PVALEF: variants seen among roughly 807,000 people sequenced by gnomAD.
PVALEF encodes parvalbumin-like EF-hand-containing protein.
PVALEF carries 2 observed loss-of-function variants against 1.2 expected under a neutral mutation model. The ratio of observed to expected loss-of-function variants is 1.68; its 90% CI spans 0.69 to 5.28. PVALEF has a LOEUF of 5.28. Ranked by LOEUF, PVALEF falls within the 30% of genes most tolerant of loss-of-function variation. The pLI is 0.06. For missense variants in PVALEF, 35 were observed against 17.7 expected (o/e 1.97, Z -1.75); for synonymous variants, 16 against 6.5 (o/e 2.47, Z -2.24).
intron 3 of PVALEF, 37 bp from the exon 4 acceptor site, chr17:81,181,086 C>T (rs1445563806): frequency 9.7e-6 from 6 of 615,686 alleles, no homozygotes; most frequent in Non-Finnish European, 1.8e-5. Flanking sequence ...GGCATGACCC[C>T]AACACTGTGA....
At chr17:81,169,899 G>A (rs1225521612) in intron 2 of PVALEF, among the ~76,000 whole-genome samples, 4 of 151,514 alleles carry the variant, frequency 2.6e-5, no homozygotes, top group Non-Finnish European at 5.9e-5. Flanking sequence ...TGTGCATAGA[G>A]GTAGGTGTGT....
rs573593580 is a variant in PVALEF at position 81,172,595 on chromosome 17, T to C, written c.-340+5751T>C. Among the ~76,000 whole-genome samples the C allele has an allele frequency of 9.2e-5, 14 of 151,910 alleles. 1 individual carries two copies. The highest frequency in any genetic ancestry group is 9.2e-4 in the Admixed American group (14 of 15,264). ...GAGTTCAAGACCAGCCTGGCCTATA[T>C]GGTGAAAATACAAAAATTAGCCGGC... is the stretch of plus-strand genomic sequence containing the variant. On this transcript the variant is annotated intron_variant, in intron 2 of 6. Transcript: ENST00000637878.
At chr17:81,169,375 G>A (rs963342611) in intron 2 of PVALEF, among the ~76,000 whole-genome samples, 111 of 147,098 alleles carry the variant, frequency 7.5e-4, no homozygotes, top group African/African-American at 2.6e-3. Flanking sequence ...CAAGGGGGGC[G>A]GACCGCGAGG....
intron 2 of PVALEF, among the ~76,000 whole-genome samples, chr17:81,168,830 G>A (rs985656340): frequency 6.6e-6 from 1 of 152,194 alleles, no homozygotes; most frequent in South Asian, 2.1e-4. Flanking sequence ...AGTGAGGAAC[G>A]CACCTCAGGA....
At chr17:81,176,581 A>AT (rs573263641) in intron 2 of PVALEF, among the ~76,000 whole-genome samples, 146 of 151,518 alleles carry the variant, frequency 9.6e-4, no homozygotes, top group African/African-American at 3.4e-3. Flanking sequence ...GATGGCTGCT[A>AT]TTAAAAAAAA....
chr17:81,175,350 G>T (rs1191437707), intron 2 of PVALEF, among the ~76,000 whole-genome samples: 2 of 152,186 alleles, frequency 1.3e-5, no homozygotes, highest in Non-Finnish European at 1.5e-5. Context: ...ATAGTGTTAA[G>T]ATGTCAGTAT....
intron 2 of PVALEF, among the ~76,000 whole-genome samples, chr17:81,172,116 T>C (rs115192712): frequency 0.029 from 4,365 of 152,340 alleles, 90 homozygotes; most frequent in African/African-American, 0.062. Context: ...TCTGGCCTGC[T>C]GGTGCCACAT....
chr17:81,180,789 C>G (rs1337091341), intron 3 of PVALEF, among the ~76,000 whole-genome samples: 1 of 152,156 alleles, frequency 6.6e-6, no homozygotes, highest in East Asian at 1.9e-4. Context: ...CTCGAGAACA[C>G]AGGCCGCCCC....
At chr17:81,170,738 A>G (rs1206134401) in intron 2 of PVALEF, among the ~76,000 whole-genome samples, 1 of 152,188 alleles carries the variant, frequency 6.6e-6, no homozygotes, top group Non-Finnish European at 1.5e-5. Context: ...GCACCACAGT[A>G]GGCACTGCAG....
intron 2 of PVALEF, among the ~76,000 whole-genome samples, chr17:81,169,853 TGTGC>T (rs1361895937): frequency 6.6e-6 from 1 of 152,148 alleles, no homozygotes; most frequent in East Asian, 1.9e-4. Flanking sequence ...TATATGTGTG[TGTGC>T]ATGTTCAGTT....
intron 2 of PVALEF, among the ~76,000 whole-genome samples, chr17:81,168,424 G>A (rs1008867130): frequency 6.6e-6 from 1 of 152,132 alleles, no homozygotes; most frequent in African/African-American, 2.4e-5. Flanking sequence ...TAACCAGAGC[G>A]ACACCCCTTC....
intron 1 of PVALEF, chr17:81,165,952 G>A (rs2061485809): frequency 6.3e-7 from 1 of 1,584,470 alleles, no homozygotes; most frequent in South Asian, 1.2e-5. Flanking sequence ...GTCGAAGTGC[G>A]AGCTGAAGGC....
intron 2 of PVALEF, among the ~76,000 whole-genome samples, chr17:81,170,052 ATG>A (rs368458977): frequency 0.23 from 33,435 of 142,346 alleles, 4,085 homozygotes; most frequent in Non-Finnish European, 0.29. Context: ...ATGTGTGTGC[ATG>A]TGTGTTGGTG....
In PVALEF at chr17:81,165,597, C is replaced by T. The variant is rs941602309; in HGVS notation, c.-658C>T. The T allele has an allele frequency of 1.5e-6, 2 of 1,367,998 alleles. No homozygotes were observed. The highest frequency in any genetic ancestry group is 1.9e-6 in the Non-Finnish European group (2 of 1,031,910). The allele number at this position is 1,367,998 out of a possible 1,614,324, so 84.7% of individuals were successfully genotyped here. On this transcript the variant is annotated 5_prime_UTR_variant, in exon 1 of 7. Transcript: ENST00000637878. ...AAGCCTGAACCCCAGCTGGCTGACA[C>T]CCCCCACACCCCCAAGGGCCCTTAG...
intron 2 of PVALEF, among the ~76,000 whole-genome samples, chr17:81,167,539 CA>C (rs1567834460): frequency 6.6e-6 from 1 of 152,220 alleles, no homozygotes; most frequent in Non-Finnish European, 1.5e-5. Context: ...CTGCAGAGAC[CA>C]GGACAGGATG....
intron 1 of PVALEF, 60 bp from the exon 2 acceptor site, chr17:81,166,617 G>A (rs2061495246): frequency 2.2e-6 from 1 of 445,832 alleles, no homozygotes; most frequent in Non-Finnish European, 4.5e-6. Flanking sequence ...ACAGGTGGGG[G>A]AACCCGGGAG....
At chr17:81,180,508 G>A (rs906379736) in intron 3 of PVALEF, among the ~76,000 whole-genome samples, 1 of 152,086 alleles carries the variant, frequency 6.6e-6, no homozygotes. Flanking sequence ...GGGCTGTGGG[G>A]GCCCAGCTCC....
chr17:81,167,041 C>A (rs2061498913), intron 2 of PVALEF, among the ~76,000 whole-genome samples, 197 bp downstream of exon 2: 1 of 152,050 alleles, frequency 6.6e-6, no homozygotes, highest in South Asian at 2.1e-4. Flanking sequence ...GCCTGTAATC[C>A]CAGCACTTTG....
In PVALEF at chr17:81,179,050, C is replaced by T. The variant is rs1000447476; in HGVS notation, c.-207C>T. Reference sequence around the variant, plus strand: ...GGAGGGGCGAGGACAGCTGCAGCCCCGAGATGTAAACAGGCTTGCAGGTAT... The same window carrying T: ...GGAGGGGCGAGGACAGCTGCAGCCCTGAGATGTAAACAGGCTTGCAGGTAT... On this transcript the variant is annotated 5_prime_UTR_variant, in exon 3 of 7. Coordinates refer to ENST00000637878, the MANE Select transcript of PVALEF (RefSeq NM_001354639.2). 7 of 455,042 alleles carry T rather than the reference C, an allele frequency of 1.5e-5. No homozygotes were observed. The East Asian group carries it at 2.8e-4, about 18-fold the overall frequency. The allele number at this position is 455,042 out of a possible 1,614,324, so 28.2% of individuals were successfully genotyped here.
Sources: allele counts gnomAD v4.1 joint callset (sites outside exome capture counted in the v4.1 genomes callset), GRCh38; gene constraint gnomAD v4.1.1; transcripts MANE v1.5; gene names NCBI Gene and HGNC (gene_info 2026-07-23, HGNC 2026-07-21).